GRIK2: variants seen among roughly 807,000 people sequenced by gnomAD.
The protein encoded by GRIK2 is glutamate receptor ionotropic, kainate 2.
GRIK2 carries 32 observed loss-of-function variants against 100.3 expected under a neutral mutation model. The ratio of observed to expected loss-of-function variants is 0.32; its 90% confidence interval spans 0.24 to 0.43. The LOEUF is 0.43. Among genes scored for constraint, GRIK2 ranks in the 20% least tolerant of loss-of-function variants. The probability of loss-of-function intolerance (pLI) is 1.00; values close to 1 mark genes in which losing one functional copy is unlikely to be tolerated. For synonymous variants in GRIK2, 417 were observed against 389.4 expected (o/e 1.07, Z -0.83); for missense variants, 843 against 1,114.9 (o/e 0.76, Z 3.47).
intron 2 of GRIK2, among the ~76,000 whole-genome samples, chr6:101,468,353 A>G (rs937602438): frequency 6.6e-6 from 1 of 152,186 alleles, no homozygotes; most frequent in South Asian, 2.1e-4. Flanking sequence ...GAAAACATTC[A>G]GTTTTTTAAA....
intron 2 of GRIK2, among the ~76,000 whole-genome samples, chr6:101,405,001 C>G (rs1369049177): frequency 6.6e-6 from 1 of 152,086 alleles, no homozygotes; most frequent in East Asian, 1.9e-4. Flanking sequence ...TGATTGAAGT[C>G]ACAGCGGTCA....
intron 14 of GRIK2, among the ~76,000 whole-genome samples, chr6:101,966,834 A>G (rs545644757): frequency 6.6e-6 from 1 of 152,180 alleles, no homozygotes; most frequent in East Asian, 1.9e-4. Flanking sequence ...GGCAAATACA[A>G]TTTCCTCTTT....
At chr6:101,760,471 A>T (rs1777466839) in intron 7 of GRIK2, among the ~76,000 whole-genome samples, 1 of 30,100 alleles carries the variant, frequency 3.3e-5, no homozygotes, top group African/African-American at 1.6e-4. Flanking sequence ...ATATTTAATT[A>T]TATATTTATT....
At chr6:101,539,037 G>T (rs903199165) in intron 2 of GRIK2, among the ~76,000 whole-genome samples, 9 of 151,420 alleles carry the variant, frequency 5.9e-5, no homozygotes, top group Non-Finnish European at 1.0e-4. Flanking sequence ...GAATTTCAGG[G>T]TTCATCTAGC....
chr6:101,910,314 C>A (rs1788584706), intron 12 of GRIK2, among the ~76,000 whole-genome samples: 2 of 150,946 alleles, frequency 1.3e-5, no homozygotes, highest in South Asian at 4.2e-4. Flanking sequence ...CAATATGGCC[C>A]AAGTGACTGG....
At position 101,818,421 on chromosome 6, in the gene GRIK2, G is replaced by A. The variant is rs1448851144; in HGVS notation, c.1255G>A (p.Gly419Arg). ...CCTGAATATGACAGAAAGTCAAAAGGGAAAGCCAGCGAACATCACAGATTC... is the reference window on the plus strand; with the variant it reads ...CCTGAATATGACAGAAAGTCAAAAGAGAAAGCCAGCGAACATCACAGATTC... The part of the protein sequence containing the change: ...SGLNMTESQK[G>R]KPANITDSLS... Residue 419 changes from glycine (G) to arginine (R), a missense_variant, in exon 10 of 17, where the codon GGA (glycine) becomes AGA (arginine). Physicochemically the swap from Gly to Arg is moderately radical, Grantham distance 125 (BLOSUM62 -2). This residue lies in a region of GRIK2 where 519 missense variants were observed against 643.8 expected (regional missense o/e 0.81). Coordinates refer to ENST00000369134, the MANE Select transcript of GRIK2 (RefSeq NM_021956.5). 1 of 1,612,532 alleles carries A rather than the reference G, an allele frequency of 6.2e-7. No individual in the cohort carries two copies. The highest frequency in any genetic ancestry group is 8.5e-7 in the Non-Finnish European group (1 of 1,178,728).
chr6:101,936,544 C>A (rs1349940340), intron 14 of GRIK2, among the ~76,000 whole-genome samples: 1 of 151,976 alleles, frequency 6.6e-6, no homozygotes, highest in African/African-American at 2.4e-5. Flanking sequence ...TTTTTACTCC[C>A]AGAGGTTGTC....
At chr6:101,503,104 A>G (rs1294966336) in intron 2 of GRIK2, among the ~76,000 whole-genome samples, 1 of 152,186 alleles carries the variant, frequency 6.6e-6, no homozygotes, top group African/African-American at 2.4e-5. Flanking sequence ...TGCCTGGGAA[A>G]GACAAAGTTT....
At chr6:101,751,838 A>T (rs942597174) in intron 7 of GRIK2, among the ~76,000 whole-genome samples, 1 of 152,202 alleles carries the variant, frequency 6.6e-6, no homozygotes, top group East Asian at 1.9e-4. Flanking sequence ...CATAGATGAT[A>T]CTGTCTTCTT....
chr6:101,810,980 C>T (rs561718183), intron 9 of GRIK2, among the ~76,000 whole-genome samples: 1 of 152,188 alleles, frequency 6.6e-6, no homozygotes, highest in East Asian at 1.9e-4. Context: ...CAGGAAACAT[C>T]TTTCATACGT....
intron 14 of GRIK2, among the ~76,000 whole-genome samples, chr6:101,987,659 T>G (rs1317762652): frequency 6.7e-6 from 1 of 150,244 alleles, no homozygotes; most frequent in African/African-American, 2.4e-5. Context: ...TATAAGTATA[T>G]AGTTATATTT....
chr6:101,501,909 C>T (rs2253664), intron 2 of GRIK2, among the ~76,000 whole-genome samples: 11,529 of 152,144 alleles, frequency 0.076, 529 homozygotes, highest in Middle Eastern at 0.12. Flanking sequence ...AGATGTGTGC[C>T]ACCATGCCCT....
chr6:101,438,560 C>G (rs545760798), intron 2 of GRIK2, among the ~76,000 whole-genome samples: 4 of 151,830 alleles, frequency 2.6e-5, no homozygotes, highest in Non-Finnish European at 4.4e-5. Context: ...TTAGAAAGAC[C>G]AAAATAATGT....
intron 2 of GRIK2, among the ~76,000 whole-genome samples, chr6:101,472,707 C>T (rs1772012116): frequency 6.6e-6 from 1 of 151,740 alleles, no homozygotes; most frequent in Non-Finnish European, 1.5e-5. Context: ...TTACAATTAG[C>T]TGATATGCAG....
chr6:101,804,549 C>T (rs1264670001), intron 9 of GRIK2, among the ~76,000 whole-genome samples: 1 of 151,894 alleles, frequency 6.6e-6, no homozygotes, highest in Non-Finnish European at 1.5e-5. Flanking sequence ...CAAAGACTAG[C>T]AAAGCATTTG....
chr6:101,633,985 T>TGG (rs1780889518), intron 4 of GRIK2, among the ~76,000 whole-genome samples: 1 of 152,120 alleles, frequency 6.6e-6, no homozygotes. Context: ...TTTTATTTTG[T>TGG]GGGGGTTTTT....
intron 7 of GRIK2, among the ~76,000 whole-genome samples, chr6:101,780,924 G>T (rs918640228): frequency 2.0e-5 from 3 of 152,166 alleles, no homozygotes; most frequent in Non-Finnish European, 2.9e-5. Context: ...ATTGCTAGGG[G>T]TTATAAGAAT....
chr6:101,816,678 A>G (rs1781649465), intron 9 of GRIK2, among the ~76,000 whole-genome samples: 1 of 152,148 alleles, frequency 6.6e-6, no homozygotes, highest in Admixed American at 6.6e-5. Flanking sequence ...TGACAGAGCA[A>G]GACTCCATCT....
At chr6:101,476,543 T>C (rs1772241329) in intron 2 of GRIK2, among the ~76,000 whole-genome samples, 1 of 152,148 alleles carries the variant, frequency 6.6e-6, no homozygotes, top group Admixed American at 6.6e-5. Flanking sequence ...TAGGTTTTTT[T>C]CCCATTTATA....
Sources: allele counts gnomAD v4.1 joint callset (sites outside exome capture counted in the v4.1 genomes callset), GRCh38; gene constraint gnomAD v4.1.1; regional missense constraint gnomAD v4.1.1; transcripts MANE v1.5; gene names NCBI Gene and HGNC (gene_info 2026-07-23, HGNC 2026-07-21).